PKHD1: variants seen among roughly 807,000 people sequenced by gnomAD.
The protein encoded by PKHD1 is fibrocystin.
PKHD1 carries 291 observed loss-of-function variants against 412.0 expected under a neutral mutation model. The ratio of observed to expected loss-of-function variants is 0.71; its 90% CI spans 0.64 to 0.78. The LOEUF is 0.78. Ranked by LOEUF, PKHD1 falls within the 30% of genes least tolerant of loss-of-function variation. The pLI is 0.00. For missense variants in PKHD1, 4,825 were observed against 4,950.7 expected, an observed-to-expected ratio of 0.97 and a Z score of 0.76; for synonymous variants, 1,777 against 1,821.5, an observed-to-expected ratio of 0.98 and a Z score of 0.62.
intron 21 of PKHD1, among the ~76,000 whole-genome samples, chr6:52,051,781 C>T (rs560855201): frequency 7.7e-6 from 1 of 129,624 alleles, no homozygotes; most frequent in East Asian, 2.2e-4. Flanking sequence ...TTGATTCCCT[C>T]AGCCTTCTGG....
At position 51,753,366 on chromosome 6, in the gene PKHD1, G is replaced by A; in HGVS notation, c.8798-13C>T. On this transcript the variant is annotated splice_polypyrimidine_tract_variant and intron_variant, in intron 56 of 66. Transcript: ENST00000371117. ...ACATGTACACTTCCTGGGGCAATAG[G>A]AGTTGTGGGAAAAAAAAACTTTAAA... is the stretch of plus-strand genomic sequence containing the variant. 1 of 1,610,740 alleles carries A rather than the reference G, an allele frequency of 6.2e-7. No homozygotes were observed. The highest frequency in any genetic ancestry group is 8.5e-7 in the Non-Finnish European group (1 of 1,178,562).
At chr6:52,049,055 T>C (rs1562229239) in intron 22 of PKHD1, among the ~76,000 whole-genome samples, 1 of 152,142 alleles carries the variant, frequency 6.6e-6, no homozygotes, top group Non-Finnish European at 1.5e-5. Context: ...TTGGAACATA[T>C]GAGAAAAAGA....
intron 34 of PKHD1, among the ~76,000 whole-genome samples, chr6:52,013,335 T>C (rs2128122644): frequency 6.6e-6 from 1 of 152,354 alleles, no homozygotes; most frequent in Non-Finnish European, 1.5e-5. Context: ...AACCCCTTTC[T>C]GTTAGCTTGG....
chr6:51,627,629 C>T lies in PKHD1; in HGVS notation c.11666-513G>A, dbSNP rs371251935. On this transcript the variant is annotated intron_variant, in intron 65 of 66. Coordinates refer to ENST00000371117, the MANE Select transcript of PKHD1 (RefSeq NM_138694.4). Reference sequence around the variant, plus strand: ...TAATTTTGAAATGAGTATTGATTCACAGGCAGTTGTCAAGAAATATACAGG... The same window carrying T: ...TAATTTTGAAATGAGTATTGATTCATAGGCAGTTGTCAAGAAATATACAGG... Among the ~76,000 whole-genome samples the T allele has an allele frequency of 1.4e-4, 21 of 152,100 alleles. No individual in the cohort carries two copies. The South Asian group carries it at 4.4e-3, about 32-fold the overall frequency.
chr6:51,982,442 A>C (rs1162678873), intron 35 of PKHD1, among the ~76,000 whole-genome samples: 1,526 of 136,210 alleles, frequency 0.011, 15 homozygotes, highest in African/African-American at 0.038. Context: ...GACATGGGAG[A>C]CTTTTCATTT....
At chr6:51,686,215 T>C (rs769363418) in intron 60 of PKHD1, among the ~76,000 whole-genome samples, 5 of 152,174 alleles carry the variant, frequency 3.3e-5, no homozygotes, top group Non-Finnish European at 7.4e-5. Flanking sequence ...TAAAGAAGGA[T>C]GATCATCCTT....
intron 36 of PKHD1, among the ~76,000 whole-genome samples, chr6:51,950,376 T>A (rs1383800872): frequency 6.6e-6 from 1 of 151,958 alleles, no homozygotes; most frequent in Non-Finnish European, 1.5e-5. Context: ...GCCCATTCAA[T>A]GTGGCCAGCC....
At chr6:52,030,119 G>C (rs1802817691) in intron 29 of PKHD1, among the ~76,000 whole-genome samples, 1 of 152,190 alleles carries the variant, frequency 6.6e-6, no homozygotes. Flanking sequence ...TGCAGAGCTG[G>C]TATCTATGGG....
In PKHD1 at chr6:51,663,483, A is replaced by G. The variant is rs183776657; in HGVS notation, c.10157-3514T>C. On this transcript the variant is annotated intron_variant, in intron 60 of 66. Coordinates refer to ENST00000371117, the MANE Select transcript of PKHD1 (RefSeq NM_138694.4). ...AACTGTATGTAATTTGATAAATCAC[A>G]TGACGTTAGTAGGCATCAGTGTTCT... Among the ~76,000 whole-genome samples, 5 of 152,300 alleles carry G rather than the reference A, an allele frequency of 3.3e-5. No individual in the cohort carries two copies. In the South Asian group the frequency reaches 8.3e-4, roughly 25 times the overall value.
At chr6:51,981,343 C>A (rs1406361921) in intron 35 of PKHD1, among the ~76,000 whole-genome samples, 1 of 86,062 alleles carries the variant, frequency 1.2e-5, no homozygotes, top group African/African-American at 3.9e-5. Context: ...CCCTCTCCCT[C>A]TCCCTCTCCC....
intron 35 of PKHD1, among the ~76,000 whole-genome samples, chr6:52,000,468 C>T (rs945511524): frequency 3.3e-5 from 5 of 152,152 alleles, no homozygotes; most frequent in Non-Finnish European, 5.9e-5. Context: ...CATATGGTTT[C>T]ATTGAGAAAA....
intron 60 of PKHD1, among the ~76,000 whole-genome samples, chr6:51,694,230 A>C (rs1311128078): frequency 3.3e-5 from 5 of 151,964 alleles, no homozygotes; most frequent in Admixed American, 6.6e-5. Context: ...AGTTCCAAAA[A>C]AATTCTACTA....
Position 51,678,864 on chromosome 6 carries a change from C to T in PKHD1, c.10157-18895G>A, listed in dbSNP as rs115573178. Among the ~76,000 whole-genome samples, 385 of 151,978 alleles carry T rather than the reference C, an allele frequency of 2.5e-3. 2 individuals carry two copies. Among genetic ancestry groups the T allele is most frequent in the African/African-American group, 8.6e-3 (358 of 41,450 alleles). On this transcript the variant is annotated intron_variant, in intron 60 of 66. Coordinates refer to ENST00000371117, the MANE Select transcript of PKHD1 (RefSeq NM_138694.4). ...TAGCTAGCTAGCAAATCTTGCCTGCCAGCTTTAAACAAACTGATGTTCATG... is the reference window on the plus strand; with the variant it reads ...TAGCTAGCTAGCAAATCTTGCCTGCTAGCTTTAAACAAACTGATGTTCATG...
intron 52 of PKHD1, among the ~76,000 whole-genome samples, chr6:51,810,502 G>A (rs1041464869): frequency 6.6e-6 from 1 of 152,100 alleles, no homozygotes; most frequent in Non-Finnish European, 1.5e-5. Flanking sequence ...AGTTTTCCAA[G>A]ACTTGTGATT....
Position 51,859,525 on chromosome 6 carries a change from C to CAAA in PKHD1, c.7734-3458_7734-3456dup, listed in dbSNP as rs10638642. ...TGGGCAACAGAGCGAGATTCCGTCC[C>CAAA]AAAAAAAAAAAAAAAAAATTACCTC... is the stretch of plus-strand genomic sequence containing the variant. On this transcript the variant is annotated intron_variant, in intron 48 of 66. Coordinates refer to ENST00000371117, the MANE Select transcript of PKHD1 (RefSeq NM_138694.4). 1.1e-3 allele frequency among the ~76,000 whole-genome samples: 126 copies of CAAA among 114,636 alleles called. 5 individuals carry two copies. Among genetic ancestry groups the CAAA allele is most frequent in the East Asian group, 8.4e-3 (27 of 3,196 alleles). 75.2% of individuals were successfully genotyped at this position (114,636 alleles called of 152,430 possible). A position where few individuals can be genotyped will look rare whatever the true frequency, so the allele number is the denominator to read the frequency against.
intron 37 of PKHD1, among the ~76,000 whole-genome samples, chr6:51,928,021 G>A (rs1020522555): frequency 4.6e-5 from 7 of 152,112 alleles, no homozygotes; most frequent in African/African-American, 1.7e-4. Context: ...CAGAGAGAGA[G>A]CAACACCCAA....
At chr6:51,791,899 G>C (rs1793817649) in intron 52 of PKHD1, among the ~76,000 whole-genome samples, 2 of 152,122 alleles carry the variant, frequency 1.3e-5, no homozygotes. Flanking sequence ...CTTTTTGTGA[G>C]GGTTAACTCA....
chr6:51,960,342 G>A (rs970827907), intron 35 of PKHD1, among the ~76,000 whole-genome samples: 2 of 152,010 alleles, frequency 1.3e-5, no homozygotes, highest in African/African-American at 2.4e-5. Context: ...TGCTGGTAAT[G>A]TTTTCTTGCC....
At chr6:52,018,673 C>G (rs1404092228) in intron 33 of PKHD1, among the ~76,000 whole-genome samples, 1 of 152,094 alleles carries the variant, frequency 6.6e-6, no homozygotes, top group East Asian at 1.9e-4. Flanking sequence ...ACCACCACAC[C>G]CCGGATGATC....
Sources: gnomAD v4.1 joint callset for allele counts (sites outside exome capture counted in the v4.1 genomes callset) on GRCh38, gnomAD v4.1.1 for gene constraint, MANE v1.5 for transcripts, NCBI Gene and HGNC (gene_info 2026-07-23, HGNC 2026-07-21) for gene names.